Variants in XIRP2 observed in about 807,000 individuals in gnomAD.
XIRP2 encodes xin actin-binding repeat-containing protein 2.
In XIRP2, 236 loss-of-function variants were observed where a neutral mutation model predicts 277.0. That is an observed-to-expected ratio of 0.85 (90% confidence interval 0.77 to 0.95). The LOEUF (loss-of-function observed/expected upper bound fraction) is 0.95. Ranked by LOEUF, XIRP2 falls within the 40% of genes least tolerant of loss-of-function variation. XIRP2 has a pLI of 0.00. For missense variants in XIRP2, 4,640 were observed against 4,157.5 expected, an observed-to-expected ratio of 1.12 and a Z score of -3.19; for synonymous variants, 1,490 against 1,416.5, an observed-to-expected ratio of 1.05 and a Z score of -1.17.
At chr2:166,974,467 A>G (rs1229053128) in intron 2 of XIRP2, among the ~76,000 whole-genome samples, 1 of 152,098 alleles carries the variant, frequency 6.6e-6, no homozygotes, top group Non-Finnish European at 1.5e-5. Context: ...TTATATATAT[A>G]TACACATATA....
At chr2:166,950,273 T>C (rs1685992926) in intron 2 of XIRP2, among the ~76,000 whole-genome samples, 1 of 152,084 alleles carries the variant, frequency 6.6e-6, no homozygotes, top group South Asian at 2.1e-4. Context: ...GTTTTGCTAT[T>C]TGAAGAATCT....
At chr2:167,099,672 C>G (rs1690435553) in intron 2 of XIRP2, among the ~76,000 whole-genome samples, 2 of 152,104 alleles carry the variant, frequency 1.3e-5, no homozygotes, top group Non-Finnish European at 2.9e-5. Context: ...CTGTGGGTTG[C>G]ACAGACCGTG....
chr2:167,093,657 T>C (rs1690214586), intron 2 of XIRP2, among the ~76,000 whole-genome samples: 1 of 152,194 alleles, frequency 6.6e-6, no homozygotes, highest in Admixed American at 6.5e-5. Context: ...CATTCTTTTT[T>C]ATGGCTGCAT....
chr2:167,098,543 T>A (rs902723410), intron 2 of XIRP2, among the ~76,000 whole-genome samples: 1 of 152,226 alleles, frequency 6.6e-6, no homozygotes, highest in Non-Finnish European at 1.5e-5. Context: ...CCTACTTCTG[T>A]CAATTCATCA....
intron 5 of XIRP2, among the ~76,000 whole-genome samples, chr2:167,237,433 CT>C (rs1032519403): frequency 2.0e-4 from 29 of 147,452 alleles, no homozygotes; most frequent in Admixed American, 4.7e-4. Context: ...AGTTTTGTTG[CT>C]TTTTTTTTTA....
intron 3 of XIRP2, among the ~76,000 whole-genome samples, chr2:167,169,935 G>T (rs1237471075): frequency 6.6e-6 from 1 of 151,968 alleles, no homozygotes. Context: ...TACTTGTAAG[G>T]CACTCTAATA....
At chr2:167,077,889 A>G (rs934753618) in intron 2 of XIRP2, among the ~76,000 whole-genome samples, 1 of 152,234 alleles carries the variant, frequency 6.6e-6, no homozygotes, top group South Asian at 2.1e-4. Flanking sequence ...CGTATAGTAT[A>G]GTTCGACGTT....
intron 2 of XIRP2, among the ~76,000 whole-genome samples, chr2:167,027,745 G>A (rs1254711833): frequency 6.6e-6 from 1 of 152,006 alleles, no homozygotes; most frequent in Non-Finnish European, 1.5e-5. Context: ...TTAGCTGCAG[G>A]TCTGTTGGAG....
intron 2 of XIRP2, among the ~76,000 whole-genome samples, chr2:166,973,988 G>A (rs1165642197): frequency 6.6e-6 from 1 of 152,178 alleles, no homozygotes; most frequent in Non-Finnish European, 1.5e-5. Context: ...GTGCCTCTTA[G>A]TAGACAAATC....
intron 7 of XIRP2, among the ~76,000 whole-genome samples, 166 bp from the exon 8 acceptor site, chr2:167,241,611 T>C (rs1312789182): frequency 6.6e-6 from 1 of 152,198 alleles, no homozygotes; most frequent in East Asian, 1.9e-4. Context: ...GGTCTGGCTA[T>C]GTTGCCCAGG....
intron 2 of XIRP2, among the ~76,000 whole-genome samples, chr2:166,988,097 T>C (rs1477047910): frequency 1.3e-5 from 2 of 152,228 alleles, no homozygotes; most frequent in African/African-American, 4.8e-5. Flanking sequence ...TTCCCACAGA[T>C]ATGCCTTAAT....
intron 2 of XIRP2, among the ~76,000 whole-genome samples, chr2:166,953,082 G>A (rs1403622462): frequency 6.6e-6 from 1 of 151,988 alleles, no homozygotes; most frequent in Non-Finnish European, 1.5e-5. Flanking sequence ...TCTGGGGCTA[G>A]TTATGGTGTC....
intron 2 of XIRP2, among the ~76,000 whole-genome samples, chr2:167,015,284 C>G (rs1370431505): frequency 6.6e-6 from 1 of 151,718 alleles, no homozygotes; most frequent in Non-Finnish European, 1.5e-5. Context: ...TCAACATAAA[C>G]CAGTAAAAAA....
At chr2:167,206,040 C>A (rs777213966) in intron 3 of XIRP2, among the ~76,000 whole-genome samples, 12 of 152,098 alleles carry the variant, frequency 7.9e-5, no homozygotes, top group Non-Finnish European at 1.6e-4. Flanking sequence ...TCTCTAATTA[C>A]CTTTAGTGTT....
intron 2 of XIRP2, among the ~76,000 whole-genome samples, chr2:167,091,952 C>A (rs570953446): frequency 6.6e-6 from 1 of 152,206 alleles, no homozygotes; most frequent in East Asian, 1.9e-4. Context: ...TTGATGATAT[C>A]AGCAGCGAAC....
chr2:166,909,761 A>G (rs540880344), intron 2 of XIRP2, among the ~76,000 whole-genome samples: 4 of 152,252 alleles, frequency 2.6e-5, no homozygotes, highest in Admixed American at 6.5e-5. Flanking sequence ...GTTTGTCATA[A>G]ATAGCTCTTA....
At chr2:167,027,634 G>A (rs1395756330) in intron 2 of XIRP2, among the ~76,000 whole-genome samples, 5 of 151,946 alleles carry the variant, frequency 3.3e-5, no homozygotes, top group Non-Finnish European at 7.4e-5. Context: ...CATCTTTGTG[G>A]TTTTATCTAC....
intron 2 of XIRP2, among the ~76,000 whole-genome samples, chr2:166,913,989 C>T (rs764337877): frequency 3.2e-4 from 48 of 152,256 alleles, no homozygotes; most frequent in Middle Eastern, 3.4e-3. Flanking sequence ...ACATTCTACT[C>T]CCCAGAGCAT....
chr2:167,209,805 G>A (rs1693970453), intron 3 of XIRP2, among the ~76,000 whole-genome samples: 1 of 151,976 alleles, frequency 6.6e-6, no homozygotes, highest in African/African-American at 2.4e-5. Context: ...AATAGTTGTG[G>A]AGAATCACAT....
Sources: allele counts gnomAD v4.1 joint callset (sites outside exome capture counted in the v4.1 genomes callset), GRCh38; gene constraint gnomAD v4.1.1; transcripts MANE v1.5; gene names NCBI Gene and HGNC (gene_info 2026-07-23, HGNC 2026-07-21).